RRM1: variants seen among roughly 807,000 people sequenced by gnomAD.
RRM1 encodes the protein ribonucleoside-diphosphate reductase large subunit.
RRM1 carries 19 observed loss-of-function variants against 101.5 expected under a neutral mutation model. The ratio of observed to expected loss-of-function variants is 0.19; its 90% CI spans 0.13 to 0.27. RRM1 has a LOEUF of 0.27. Among genes scored for constraint, RRM1 ranks in the 10% least tolerant of loss-of-function variants. The pLI is 1.00. For missense variants in RRM1, 500 were observed against 962.9 expected (o/e 0.52, Z 6.36); for synonymous variants, 298 against 323.4 (o/e 0.92, Z 0.84).
intron 2 of RRM1, chr11:4,105,709 C>T (rs767916609): frequency 5.2e-6 from 2 of 382,808 alleles, no homozygotes; most frequent in South Asian, 4.0e-5. Flanking sequence ...CCACCACACC[C>T]AGCTAATTTT....
Position 4,101,557 on chromosome 11 carries a change from A to ACCCCCCCCCCCCCCCCCCCCCCCCCCC in RRM1, c.20-435_20-434insCCCCCCCCCCCCCCCCCCCCCCCCCCC, listed in dbSNP as rs200112921. ...TCGAACTCCTGACCTCCAGTGATCC[A>ACCCCCCCCCCCCCCCCCCCCCCCCCCC]CACCCCCCCCCGCTCCCTTGGCCTC... is the stretch of plus-strand genomic sequence containing the variant. On this transcript the variant is annotated intron_variant, in intron 1 of 18. Transcript: ENST00000300738. Among the ~76,000 whole-genome samples, 28 of 43,632 alleles carry ACCCCCCCCCCCCCCCCCCCCCCCCCCC rather than the reference A, an allele frequency of 6.4e-4. 9 individuals are homozygous for ACCCCCCCCCCCCCCCCCCCCCCCCCCC. Among genetic ancestry groups the ACCCCCCCCCCCCCCCCCCCCCCCCCCC allele is most frequent in the African/African-American group, 9.1e-4 (13 of 14,358 alleles). 28.6% of individuals were successfully genotyped at this position (43,632 alleles called of 152,430 possible). A position where few individuals can be genotyped will look rare whatever the true frequency, so the allele number is the denominator to read the frequency against.
chr11:4,094,933 C>T lies in RRM1; in HGVS notation c.-80C>T. Reference sequence around the variant, plus strand: ...CGCCTGGAACCTAACCCTTCCCACTCTGTCACCTTCTCGATCCCGCCGGCG... The same window carrying T: ...CGCCTGGAACCTAACCCTTCCCACTTTGTCACCTTCTCGATCCCGCCGGCG... On this transcript the variant is annotated 5_prime_UTR_variant, in exon 1 of 19. Transcript: ENST00000300738. 1 of 1,473,774 alleles carries T rather than the reference C, an allele frequency of 6.8e-7. No homozygotes were observed. Among genetic ancestry groups the T allele is most frequent in the Non-Finnish European group, 9.3e-7 (1 of 1,076,254 alleles). The allele number at this position is 1,473,774 out of a possible 1,614,324, so 91.3% of individuals were successfully genotyped here.
At chr11:4,133,757 T>TAA (rs1369174822) in intron 17 of RRM1, 99 bp downstream of exon 17, 1 of 666,668 alleles carries the variant, frequency 1.5e-6, no homozygotes, top group African/African-American at 1.8e-5. Context: ...CTTCATTGTG[T>TAA]TCATCTAGGT....
chr11:4,121,695 A>G lies in RRM1; in HGVS notation c.968A>G (p.Gln323Arg). 6.2e-7 allele frequency: 1 copy of G among 1,613,856 alleles called. No homozygotes were observed. The highest frequency in any genetic ancestry group is 8.5e-7 in the Non-Finnish European group (1 of 1,179,862). ...AAGAAGAACACAGGAAAGGAAGAGC[A>G]GCGTGCCAGAGATCTTTTCTTTGCT... ...DLKKNTGKEEQRARDLFFALW... is the reference protein window; with the variant it reads ...DLKKNTGKEERRARDLFFALW... Residue 323 changes from glutamine (Q) to arginine (R), a missense_variant, in exon 10 of 19, where the codon CAG becomes CGG. Gln to Arg is a conservative substitution (Grantham distance 43). This residue lies in a region of RRM1 where 4 missense variants were observed against 38.8 expected (regional missense o/e 0.10). Transcript: ENST00000300738.
In RRM1 at chr11:4,094,871, C is replaced by T. The variant is rs1293598397; in HGVS notation, c.-142C>T. 1 of 832,092 alleles carries T rather than the reference C, an allele frequency of 1.2e-6. No individual in the cohort carries two copies. The highest frequency in any genetic ancestry group is 2.0e-6 in the Non-Finnish European group (1 of 502,840). The allele number at this position is 832,092 out of a possible 1,614,324, so 51.5% of individuals were successfully genotyped here. A position where few individuals can be genotyped will look rare whatever the true frequency, so the allele number is the denominator to read the frequency against. On this transcript the variant is annotated 5_prime_UTR_variant, in exon 1 of 19. Transcript: ENST00000300738. ...TTGCGCCTCTGCTCTGAAGAAAGTG[C>T]TGTCTGGCTCCAACTCCAGTTCTTT...
intron 3 of RRM1, among the ~76,000 whole-genome samples, chr11:4,106,985 C>T (rs1177561893): frequency 1.3e-5 from 2 of 151,982 alleles, no homozygotes; most frequent in Non-Finnish European, 2.9e-5. Context: ...CCTCCGCCTC[C>T]CGGGTTCAAG....
chr11:4,126,954 G>A, intron 13 of RRM1, 81 bp from the exon 14 acceptor site: 1 of 1,427,856 alleles, frequency 7.0e-7, no homozygotes. Flanking sequence ...AAAAGAGGTA[G>A]TCTGTCTCAT....
intron 12 of RRM1, among the ~76,000 whole-genome samples, chr11:4,123,839 A>G (rs61899662): frequency 0.033 from 5,016 of 152,198 alleles, 230 homozygotes; most frequent in East Asian, 0.19. Context: ...AAAAACAACA[A>G]CAACAAAAGT....
At chr11:4,120,467 G>A (rs1489492361) in intron 9 of RRM1, among the ~76,000 whole-genome samples, 1 of 151,964 alleles carries the variant, frequency 6.6e-6, no homozygotes, top group Admixed American at 6.6e-5. Flanking sequence ...GGACTTAAGT[G>A]ATTCTTCTGC....
rs753672157 is a variant in RRM1, at chr11:4,106,237, G to GA, written c.286+19dup. 1 of 1,606,788 alleles carries GA rather than the reference G, an allele frequency of 6.2e-7. No individual in the cohort carries two copies. Among genetic ancestry groups the GA allele is most frequent in the South Asian group, 1.1e-5 (1 of 90,180 alleles). On this transcript the variant is annotated intron_variant, in intron 3 of 18. Coordinates refer to ENST00000300738, the MANE Select transcript of RRM1 (RefSeq NM_001033.5). ...AAGTGTTCAGTGGTAAGTCTGGGGT[G>GA]AAAAAGTAAAAATTTAGTACTCTCA...
chr11:4,129,277 C>G, intron 15 of RRM1, 127 bp downstream of exon 15: 1 of 538,404 alleles, frequency 1.9e-6, no homozygotes, highest in Non-Finnish European at 3.3e-6. Flanking sequence ...CTAAAATGGC[C>G]TATCTCACAA....
Position 4,129,128 on chromosome 11 carries a change from G to T in RRM1, c.1747G>T (p.Val583Phe), listed in dbSNP as rs201133430. Residue 583 changes from valine to phenylalanine, a missense_variant, in exon 15 of 19, where the codon GTT (valine) becomes TTT (phenylalanine). Physicochemically the swap from Val to Phe is conservative, Grantham distance 50. Around this residue, in one of 9 missense-constraint regions of RRM1, gnomAD observed 106 missense variants for 138.1 expected, o/e 0.77. Transcript: ENST00000300738. Reference sequence around the variant, plus strand: ...TCCTACAGACCTATGGGACTGGAAGGTTCTCAAGGAGAAGATTGCAAAGTA... The same window carrying T: ...TCCTACAGACCTATGGGACTGGAAGTTTCTCAAGGAGAAGATTGCAAAGTA... ...VTPTDLWDWKVLKEKIAKYGI... is the reference protein window; with the variant it reads ...VTPTDLWDWKFLKEKIAKYGI... The T allele has an allele frequency of 1.2e-5, 19 of 1,605,050 alleles. No individual in the cohort carries two copies. Among genetic ancestry groups the T allele is most frequent in the Non-Finnish European group, 1.6e-5 (19 of 1,173,638 alleles).
chr11:4,099,295 A>ATTTTTTTTTTTTTTTTTTTTTTTTTTTTT (rs34579912), intron 1 of RRM1: 2 of 76,978 alleles, frequency 2.6e-5, no homozygotes, highest in Non-Finnish European at 4.4e-5. Context: ...TACCCAGCTA[A>ATTTTTTTTTTTTTTTTTTTTTTTTTTTTT]TTTTTTTTTT....
At chr11:4,110,627 G>A (rs1565181757) in intron 5 of RRM1, among the ~76,000 whole-genome samples, 1 of 151,616 alleles carries the variant, frequency 6.6e-6, no homozygotes, top group African/African-American at 2.4e-5. Context: ...AAATTAGCTG[G>A]GCATGGTGGT....
chr11:4,130,086 A>ATATATTTTTTTTT (rs1202870487), intron 15 of RRM1, among the ~76,000 whole-genome samples: 31 of 99,438 alleles, frequency 3.1e-4, no homozygotes, highest in African/African-American at 1.4e-3. Context: ...ATATATATAT[A>ATATATTTTTTTTT]TTTTTTTTTT....
Position 4,127,182 on chromosome 11 carries a change from C to G in RRM1, c.1618C>G (p.Leu540Val). 8 of 1,613,704 alleles carry G rather than the reference C, an allele frequency of 5.0e-6. No individual in the cohort carries two copies. The highest frequency in any genetic ancestry group is 1.7e-4 in the Middle Eastern group (1 of 6,060). ...CTTTGAAACTATTTATTATGGTGCTCTGGAAGCCAGCTGTGACCTTGCCAA... is the reference window on the plus strand; with the variant it reads ...CTTTGAAACTATTTATTATGGTGCTGTGGAAGCCAGCTGTGACCTTGCCAA... Reference protein sequence around the residue: ...QIFETIYYGALEASCDLAKEQ... With the variant: ...QIFETIYYGAVEASCDLAKEQ... Residue 540 changes from leucine (L) to valine (V), a missense_variant, in exon 14 of 19, where the codon CTG (leucine) becomes GTG (valine). Leu to Val is a conservative substitution (Grantham distance 32). Around this residue, in one of 9 missense-constraint regions of RRM1, gnomAD observed 106 missense variants for 138.1 expected, o/e 0.77. Coordinates refer to ENST00000300738, the MANE Select transcript of RRM1 (RefSeq NM_001033.5).
rs1300837717 is a variant in RRM1 at position 4,137,483 on chromosome 11, G to T, written c.2191-712G>T. On this transcript the variant is annotated intron_variant, in intron 18 of 18. Transcript: ENST00000300738. ...ACCTCCCTCCCGGACGGGGCGGCTG[G>T]CCGGGCCGGGGGCTGAACCCCCCAC... is the stretch of plus-strand genomic sequence containing the variant. 2.1e-4 allele frequency among the ~76,000 whole-genome samples: 26 copies of T among 124,716 alleles called. 1 individual carries two copies. Among genetic ancestry groups the T allele is most frequent in the African/African-American group, 7.5e-4 (24 of 32,070 alleles). The allele number at this position is 124,716 out of a possible 152,430, so 81.8% of individuals were successfully genotyped here.
At chr11:4,123,653 A>G (rs573112086) in intron 12 of RRM1, among the ~76,000 whole-genome samples, 2 of 152,312 alleles carry the variant, frequency 1.3e-5, no homozygotes, top group African/African-American at 4.8e-5. Flanking sequence ...AAATAGAAAT[A>G]TACAGTTATG....
chr11:4,108,778 C>T (rs1403266553), intron 4 of RRM1, among the ~76,000 whole-genome samples: 2 of 151,900 alleles, frequency 1.3e-5, no homozygotes, highest in Admixed American at 1.3e-4. Flanking sequence ...AAAAATATAC[C>T]TATTGATAGT....
Sources: gnomAD v4.1 joint callset for allele counts (sites outside exome capture counted in the v4.1 genomes callset) on GRCh38, gnomAD v4.1.1 for gene constraint, gnomAD v4.1.1 regional missense constraint, MANE v1.5 for transcripts, NCBI Gene and HGNC (gene_info 2026-07-23, HGNC 2026-07-21) for gene names.